The following CHD7 variants were observed in gnomAD, a reference collection of about 807,000 sequenced individuals.
CHD7 encodes chromodomain helicase DNA binding protein 7, also known as ATP-dependent chromatin remodeler CHD7.
A neutral mutation model predicts 307.3 loss-of-function variants in CHD7; 24 were observed. The ratio of observed to expected loss-of-function variants is 0.08; its 90% CI spans 0.06 to 0.11. CHD7 has a LOEUF of 0.11. CHD7 is among the 10% of genes least tolerant of loss of function. The pLI is 1.00. For missense variants in CHD7, 3,106 were observed against 3,727.1 expected, an observed-to-expected ratio of 0.83 and a Z score of 4.34; for synonymous variants, 1,363 against 1,349.9, an observed-to-expected ratio of 1.01 and a Z score of -0.21.
At position 60,742,332 on chromosome 8, in the gene CHD7, C is replaced by T; in HGVS notation, c.900C>T (p.Pro300=). 5.0e-6 allele frequency: 8 copies of T among 1,613,984 alleles called. No homozygotes were observed. Among genetic ancestry groups the T allele is most frequent in the Non-Finnish European group, 6.8e-6 (8 of 1,179,896 alleles). The change falls in exon 2 of 38, where the codon CCC becomes CCT. Residue 300 remains proline, a synonymous_variant. Coordinates refer to ENST00000423902, the MANE Select transcript of CHD7 (RefSeq NM_017780.4). ...TTAGTTCTCGGAGCCAGACAGTCCC[C>T]TCTCCTACTATAAACAACTCAGGGC... ...LNFSSRSQTV[P]SPTINNSGQY...
intron 2 of CHD7, among the ~76,000 whole-genome samples, chr8:60,773,787 G>A (rs551080729): frequency 9.9e-5 from 15 of 152,244 alleles, no homozygotes; most frequent in Non-Finnish European, 2.2e-4. Context: ...TGCTAGTGGA[G>A]TGATTTTTGA....
At chr8:60,781,837 C>G (rs1333499919) in intron 3 of CHD7, among the ~76,000 whole-genome samples, 1 of 152,178 alleles carries the variant, frequency 6.6e-6, no homozygotes, top group Non-Finnish European at 1.5e-5. Flanking sequence ...AGCCCTTCTT[C>G]CCAGAGGTTG....
intron 1 of CHD7, among the ~76,000 whole-genome samples, chr8:60,701,242 T>C (rs1394420646): frequency 6.6e-6 from 1 of 152,186 alleles, no homozygotes; most frequent in Non-Finnish European, 1.5e-5. Context: ...TAGTACTGAG[T>C]GTGCAGTAAA....
chr8:60,837,928 C>A, intron 18 of CHD7, 93 bp downstream of exon 18: 2 of 1,327,592 alleles, frequency 1.5e-6, no homozygotes, highest in East Asian at 2.5e-5. Flanking sequence ...GATTATTTTT[C>A]GACCTCAATA....
rs1161138968 is a variant in CHD7 at position 60,747,324 on chromosome 8, C to T, written c.1665+4227C>T. Among the ~76,000 whole-genome samples, 5 of 152,086 alleles carry T rather than the reference C, an allele frequency of 3.3e-5. No individual in the cohort carries two copies. In the East Asian group the frequency reaches 7.7e-4, roughly 23 times the overall value. ...AACTCCTGACCTCAGATGATCCACCCGCTGTGGCCTCCCAAAGTGCTGGGA... is the reference window on the plus strand; with the variant it reads ...AACTCCTGACCTCAGATGATCCACCTGCTGTGGCCTCCCAAAGTGCTGGGA... On this transcript the variant is annotated intron_variant, in intron 2 of 37. Transcript: ENST00000423902.
chr8:60,801,450 A>G (rs1812306477), intron 5 of CHD7, 78 bp from the exon 6 acceptor site: 6 of 1,054,292 alleles, frequency 5.7e-6, no homozygotes, highest in Non-Finnish European at 8.6e-6. Context: ...GTGGTAGCAA[A>G]GGGGAATGAT....
intron 32 of CHD7, chr8:60,855,285 T>C (rs1402156696): frequency 6.6e-6 from 1 of 152,284 alleles, no homozygotes; most frequent in Non-Finnish European, 1.5e-5. Context: ...TCCCCTGTTA[T>C]GCTAACCTCC....
At chr8:60,819,811 G>A (rs1050768472) in intron 8 of CHD7, among the ~76,000 whole-genome samples, 196 bp from the exon 9 acceptor site, 6 of 152,170 alleles carry the variant, frequency 3.9e-5, no homozygotes, top group Admixed American at 6.5e-5. Flanking sequence ...CCCAGTTAAC[G>A]AAGTCTGAGA....
intron 1 of CHD7, among the ~76,000 whole-genome samples, chr8:60,725,100 C>T (rs1446526629): frequency 1.3e-5 from 2 of 152,116 alleles, no homozygotes; most frequent in Non-Finnish European, 2.9e-5. Context: ...AGCGATAAGC[C>T]CTGGGGATAA....
At chr8:60,711,109 TGTACAA>T (rs1807264484) in intron 1 of CHD7, among the ~76,000 whole-genome samples, 1 of 152,240 alleles carries the variant, frequency 6.6e-6, no homozygotes, top group African/African-American at 2.4e-5. Flanking sequence ...TTCTGCTCCA[TGTACAA>T]GTACCTCTAA....
intron 2 of CHD7, among the ~76,000 whole-genome samples, chr8:60,759,443 GTCTCCCTCTCTC>G (rs1262668957): frequency 5.8e-5 from 6 of 103,296 alleles, no homozygotes; most frequent in Admixed American, 1.8e-4. Context: ...CCCGCTCTCT[GTCTCCCTCTCTC>G]TCTCCCTCCC....
At chr8:60,812,680 G>C (rs1480375760) in intron 7 of CHD7, among the ~76,000 whole-genome samples, 32 of 140,238 alleles carry the variant, frequency 2.3e-4, no homozygotes, top group African/African-American at 8.9e-4. Flanking sequence ...AAAAAAAAAA[G>C]AGTCCATTTT....
intron 15 of CHD7, among the ~76,000 whole-genome samples, chr8:60,835,090 C>T (rs922710093): frequency 1.3e-5 from 2 of 152,238 alleles, no homozygotes; most frequent in African/African-American, 4.8e-5. Flanking sequence ...CCTCCACCTT[C>T]AGGGAAAAGA....
At chr8:60,758,502 T>C (rs924553498) in intron 2 of CHD7, among the ~76,000 whole-genome samples, 1 of 152,214 alleles carries the variant, frequency 6.6e-6, no homozygotes, top group African/African-American at 2.4e-5. Context: ...GAGAAGTTGT[T>C]GAGCTCATGG....
chr8:60,805,302 G>A (rs919755331), intron 6 of CHD7, among the ~76,000 whole-genome samples: 4 of 152,102 alleles, frequency 2.6e-5, no homozygotes, highest in African/African-American at 4.8e-5. Flanking sequence ...TGAAAGGAAC[G>A]GTGAAAAACA....
chr8:60,795,337 T>C (rs1304680338), intron 4 of CHD7, among the ~76,000 whole-genome samples: 2 of 152,210 alleles, frequency 1.3e-5, no homozygotes, highest in East Asian at 1.9e-4. Flanking sequence ...TGGCTTGGTT[T>C]TGCTATCTTT....
chr8:60,722,216 G>A (rs1022679812), intron 1 of CHD7, among the ~76,000 whole-genome samples: 1 of 152,128 alleles, frequency 6.6e-6, no homozygotes, highest in African/African-American at 2.4e-5. Flanking sequence ...TACAGTATCT[G>A]TGGCTCCTTT....
intron 14 of CHD7, among the ~76,000 whole-genome samples, chr8:60,829,613 A>G (rs1200550914): frequency 6.6e-6 from 1 of 152,122 alleles, no homozygotes; most frequent in African/African-American, 2.4e-5. Flanking sequence ...AAAAAAGGAA[A>G]AGAAAAGAAA....
Position 60,742,677 on chromosome 8 carries a change from G to T in CHD7, c.1245G>T (p.Pro415=). 1 of 1,610,802 alleles carries T rather than the reference G, an allele frequency of 6.2e-7. No homozygotes were observed. Among genetic ancestry groups the T allele is most frequent in the Non-Finnish European group, 8.5e-7 (1 of 1,177,616 alleles). The change falls in exon 2 of 38, where the codon CCG becomes CCT. Residue 415 remains proline (P), a synonymous_variant. Coordinates refer to ENST00000423902, the MANE Select transcript of CHD7 (RefSeq NM_017780.4). ...PAGTPPPQVR[P]GSAGIPMEVG... ...GCACTCCTCCTCCACAAGTCAGGCC[G>T]GGAAGTGCTGGGATACCAATGGAAG...
Sources: gnomAD v4.1 joint callset for allele counts (sites outside exome capture counted in the v4.1 genomes callset) on GRCh38, gnomAD v4.1.1 for gene constraint, MANE v1.5 for transcripts, NCBI Gene and HGNC (gene_info 2026-07-23, HGNC 2026-07-21) for gene names.